CDH12: variants seen among roughly 807,000 people sequenced by gnomAD.
CDH12 encodes cadherin 12.
In CDH12, 41 loss-of-function variants were observed where a neutral mutation model predicts 74.1. The observed-to-expected ratio is 0.55, with a 90% CI of 0.43 to 0.72. CDH12 has a LOEUF of 0.72. CDH12 is among the 30% of genes least tolerant of loss of function. The pLI is 0.00. For synonymous variants in CDH12, 399 were observed against 355.0 expected (o/e 1.12, Z -1.39); for missense variants, 945 against 977.2 (o/e 0.97, Z 0.44).
chr5:22,843,610 T>C (rs1471365630), intron 1 of CDH12, among the ~76,000 whole-genome samples: 1 of 128,470 alleles, frequency 7.8e-6, no homozygotes, highest in Non-Finnish European at 1.7e-5. Context: ...TCTTAACATT[T>C]GTGGTGTGTG....
chr5:21,802,503 G>A, intron 9 of CDH12, 83 bp from the exon 10 acceptor site: 1 of 1,175,102 alleles, frequency 8.5e-7, no homozygotes, highest in South Asian at 1.4e-5. Context: ...AGAGCAATTT[G>A]CAAGTTATTA....
intron 3 of CDH12, among the ~76,000 whole-genome samples, chr5:22,340,569 A>G (rs78175758): frequency 0.025 from 3,830 of 152,006 alleles, 99 homozygotes; most frequent in East Asian, 0.11. Flanking sequence ...AGTGATTTTG[A>G]CAACTAGAAA....
At chr5:22,169,129 T>A (rs1338923181) in intron 4 of CDH12, among the ~76,000 whole-genome samples, 1 of 151,924 alleles carries the variant, frequency 6.6e-6, no homozygotes, top group Non-Finnish European at 1.5e-5. Flanking sequence ...CCTCTCTCTC[T>A]GCCTTTCTGT....
intron 1 of CDH12, among the ~76,000 whole-genome samples, chr5:22,806,664 C>T (rs2126435159): frequency 6.6e-6 from 1 of 152,216 alleles, no homozygotes; most frequent in South Asian, 2.1e-4. Context: ...TAATGATTGC[C>T]ATTCTAACTG....
chr5:22,376,898 T>A (rs1016972631), intron 3 of CDH12, among the ~76,000 whole-genome samples: 3 of 151,864 alleles, frequency 2.0e-5, no homozygotes, highest in Non-Finnish European at 4.4e-5. Flanking sequence ...AATAAGTAAA[T>A]GAAAAAGTAA....
At chr5:22,389,573 T>A (rs1316167915) in intron 3 of CDH12, among the ~76,000 whole-genome samples, 1 of 152,060 alleles carries the variant, frequency 6.6e-6, no homozygotes, top group Non-Finnish European at 1.5e-5. Flanking sequence ...TGCAAAAACA[T>A]AAATGTGCTC....
At chr5:21,877,894 A>T (rs1042095849) in intron 6 of CDH12, among the ~76,000 whole-genome samples, 1 of 152,232 alleles carries the variant, frequency 6.6e-6, no homozygotes, top group Admixed American at 6.5e-5. Flanking sequence ...AAAAATGGAT[A>T]TCATGTGTGG....
At chr5:22,091,077 A>C (rs539192909) in intron 4 of CDH12, among the ~76,000 whole-genome samples, 3 of 151,852 alleles carry the variant, frequency 2.0e-5, no homozygotes, top group East Asian at 1.9e-4. Context: ...AGGTTTTATT[A>C]GGCAAATTAG....
At chr5:22,391,923 A>T (rs2126420688) in intron 3 of CDH12, among the ~76,000 whole-genome samples, 1 of 152,336 alleles carries the variant, frequency 6.6e-6, no homozygotes, top group Non-Finnish European at 1.5e-5. Flanking sequence ...CCACTAAAAC[A>T]TAAAGAAGTT....
chr5:21,917,706 A>G (rs545865532), intron 6 of CDH12, among the ~76,000 whole-genome samples: 1 of 152,316 alleles, frequency 6.6e-6, no homozygotes, highest in African/African-American at 2.4e-5. Flanking sequence ...GAAGCACCCT[A>G]TGGGATGTGG....
intron 3 of CDH12, among the ~76,000 whole-genome samples, chr5:22,321,533 T>C (rs1738882413): frequency 2.8e-5 from 4 of 142,148 alleles, no homozygotes; most frequent in Admixed American, 7.0e-5. Context: ...TTGGGAGATA[T>C]ACCTAATGCT....
At chr5:22,002,819 A>G (rs965792001) in intron 5 of CDH12, among the ~76,000 whole-genome samples, 1 of 152,098 alleles carries the variant, frequency 6.6e-6, no homozygotes, top group Non-Finnish European at 1.5e-5. Flanking sequence ...AAATCAATAT[A>G]ACGAACATTT....
intron 10 of CDH12, among the ~76,000 whole-genome samples, chr5:21,796,455 C>A (rs1040804266): frequency 6.6e-6 from 1 of 151,938 alleles, no homozygotes; most frequent in African/African-American, 2.4e-5. Flanking sequence ...CACACCATTG[C>A]AAAGTGAAAA....
chr5:22,568,659 T>G (rs1398740194), intron 1 of CDH12, among the ~76,000 whole-genome samples: 2 of 152,048 alleles, frequency 1.3e-5, no homozygotes, highest in Admixed American at 1.3e-4. Flanking sequence ...TAAACAAAAG[T>G]GACTAAATAA....
chr5:22,522,696 A>G (rs1737106028), intron 1 of CDH12, among the ~76,000 whole-genome samples: 1 of 152,124 alleles, frequency 6.6e-6, no homozygotes, highest in Non-Finnish European at 1.5e-5. Context: ...ATTTTCTCCA[A>G]AATATTATAA....
intron 1 of CDH12, among the ~76,000 whole-genome samples, chr5:22,659,668 GTTTT>G (rs1580860545): frequency 6.6e-6 from 1 of 151,872 alleles, no homozygotes; most frequent in Non-Finnish European, 1.5e-5. Context: ...TTTTATCATA[GTTTT>G]TTTCTCTCTC....
At chr5:22,529,170 T>TAC (rs1481886313) in intron 1 of CDH12, among the ~76,000 whole-genome samples, 42 of 44,092 alleles carry the variant, frequency 9.5e-4, no homozygotes, top group Non-Finnish European at 1.8e-3. Context: ...CATGTGTATA[T>TAC]ATATATATAT....
At chr5:22,597,164 A>G (rs1005515172) in intron 1 of CDH12, among the ~76,000 whole-genome samples, 1 of 152,108 alleles carries the variant, frequency 6.6e-6, no homozygotes, top group African/African-American at 2.4e-5. Flanking sequence ...CCAGCAACCA[A>G]ACTTGCCCTC....
At chr5:22,054,202 CT>C (rs891038318) in intron 5 of CDH12, among the ~76,000 whole-genome samples, 17 of 152,050 alleles carry the variant, frequency 1.1e-4, no homozygotes, top group African/African-American at 2.9e-4. Context: ...TTTCAAGAAA[CT>C]TTTTTAGAAA....
Sources: gnomAD v4.1 joint callset for allele counts (sites outside exome capture counted in the v4.1 genomes callset) on GRCh38, gnomAD v4.1.1 for gene constraint, MANE v1.5 for transcripts, NCBI Gene and HGNC (gene_info 2026-07-23, HGNC 2026-07-21) for gene names.